Variants in UGT1A4 observed in about 807,000 individuals in gnomAD.
UGT1A4 encodes UDP-glucuronosyltransferase 1A4.
A neutral mutation model predicts 41.1 loss-of-function variants in UGT1A4; 32 were observed. The ratio of observed to expected loss-of-function variants is 0.78; its 90% CI spans 0.59 to 1.05. The LOEUF is 1.05. Ranked by LOEUF, UGT1A4 falls within the 50% of genes least tolerant of loss-of-function variation. UGT1A4 has a pLI of 0.00. For synonymous variants in UGT1A4, 283 were observed against 265.1 expected, an observed-to-expected ratio of 1.07 and a Z score of -0.66; for missense variants, 748 against 677.4, an observed-to-expected ratio of 1.10 and a Z score of -1.16.
chr2:233,744,868 A>T (rs938828765), intron 1 of UGT1A4, among the ~76,000 whole-genome samples: 1 of 151,858 alleles, frequency 6.6e-6, no homozygotes, highest in African/African-American at 2.4e-5. Flanking sequence ...TTCTGAAGGG[A>T]TTAGTTTAGG....
At chr2:233,722,845 C>CTT (rs61550889) in intron 1 of UGT1A4, among the ~76,000 whole-genome samples, 2,212 of 135,308 alleles carry the variant, frequency 0.016, 155 homozygotes, top group African/African-American at 0.055. Context: ...AAGAATGTTT[C>CTT]TTTTTTTTTT....
In UGT1A4 at chr2:233,747,979, T is replaced by C. The variant is rs1334158075; in HGVS notation, c.868-19055T>C. 3.7e-6 allele frequency: 6 copies of C among 1,613,558 alleles called. No homozygotes were observed. The East Asian group carries it at 1.3e-4, about 36-fold the overall frequency. ...CTTCTCAGCCATGCATCTGTGTGGCTGTTCCGAGGGGACTTTGTGATGGAT... is the reference window on the plus strand; with the variant it reads ...CTTCTCAGCCATGCATCTGTGTGGCCGTTCCGAGGGGACTTTGTGATGGAT... On this transcript the variant is annotated intron_variant, in intron 1 of 4. Transcript: ENST00000373409.
At position 233,725,055 on chromosome 2, in the gene UGT1A4, C is replaced by T. The variant is rs1006940909; in HGVS notation, c.867+5368C>T. On this transcript the variant is annotated intron_variant, in intron 1 of 4. Transcript: ENST00000373409. ...CACCAAAACCAGTCAGGCGTGGCGG[C>T]GCGCGCCTGCAATCGCAGGCACTCG... is the stretch of plus-strand genomic sequence containing the variant. Among the ~76,000 whole-genome samples the T allele has an allele frequency of 2.2e-4, 33 of 147,502 alleles. 1 individual carries two copies. The highest frequency in any genetic ancestry group is 9.3e-4 in the South Asian group (4 of 4,294).
At position 233,751,264 on chromosome 2, in the gene UGT1A4, CT is replaced by C. The variant is rs1248433988; in HGVS notation, c.868-15763del. Among the ~76,000 whole-genome samples the C allele has an allele frequency of 2.6e-5, 4 of 151,986 alleles. No homozygotes were observed. The East Asian group carries it at 7.7e-4, about 29-fold the overall frequency. On this transcript the variant is annotated intron_variant, in intron 1 of 4. Coordinates refer to ENST00000373409, the MANE Select transcript of UGT1A4 (RefSeq NM_007120.3). ...GGACTTGCATGGGGCCTGTAGCCCC[CT>C]TTTTTTGGCCAGTTTCTCCCATTTG...
At chr2:233,747,691 T>C in intron 1 of UGT1A4, 3 of 1,611,090 alleles carry the variant, frequency 1.9e-6, no homozygotes, top group Non-Finnish European at 2.5e-6. Flanking sequence ...TGTGGGGCAG[T>C]GCTGGCTAAG....
intron 1 of UGT1A4, chr2:233,747,817 C>T: frequency 6.2e-7 from 1 of 1,613,510 alleles, no homozygotes; most frequent in South Asian, 1.1e-5. Flanking sequence ...ACGACCAATT[C>T]AGACCACATG....
intron 1 of UGT1A4, among the ~76,000 whole-genome samples, chr2:233,734,366 T>C (rs578211263): frequency 4.6e-5 from 7 of 152,208 alleles, no homozygotes; most frequent in Non-Finnish European, 1.0e-4. Flanking sequence ...GGATCGGTGG[T>C]GATATTGCCT....
At chr2:233,736,545 G>A (rs1335002348) in intron 1 of UGT1A4, among the ~76,000 whole-genome samples, 1 of 152,160 alleles carries the variant, frequency 6.6e-6, no homozygotes, top group Non-Finnish European at 1.5e-5. Context: ...TTCCAGCTTT[G>A]CTCCATTGCT....
At chr2:233,740,090 C>T (rs1463854417) in intron 1 of UGT1A4, among the ~76,000 whole-genome samples, 1 of 151,842 alleles carries the variant, frequency 6.6e-6, no homozygotes, top group Non-Finnish European at 1.5e-5. Context: ...CGCCTGCTGC[C>T]ATGTGAGACA....
chr2:233,749,920 A>G (rs1428594546), intron 1 of UGT1A4, among the ~76,000 whole-genome samples: 1 of 151,914 alleles, frequency 6.6e-6, no homozygotes, highest in Non-Finnish European at 1.5e-5. Flanking sequence ...CTGTGAGTCA[A>G]TTAAAGCTCT....
intron 1 of UGT1A4, among the ~76,000 whole-genome samples, chr2:233,720,871 ATTTT>A (rs60621337): frequency 2.3e-5 from 3 of 132,772 alleles, no homozygotes; most frequent in African/African-American, 8.6e-5. Flanking sequence ...GCTCCTGGCA[ATTTT>A]TTTTTTTTTT....
chr2:233,744,646 T>C (rs28899468), intron 1 of UGT1A4, among the ~76,000 whole-genome samples: 5,545 of 151,990 alleles, frequency 0.036, 178 homozygotes, highest in African/African-American at 0.053. Context: ...TCAGCTTCTG[T>C]ATTCAATCTA....
In UGT1A4 at chr2:233,737,002, C is replaced by T. The variant is rs534387073; in HGVS notation, c.867+17315C>T. On this transcript the variant is annotated intron_variant, in intron 1 of 4. Transcript: ENST00000373409. ...TCAAGATACACAGAGGTCAGGGACC[C>T]GCTTGAGGAGGCAGTCTGTCCATTC... Among the ~76,000 whole-genome samples, 262 of 152,308 alleles carry T rather than the reference C, an allele frequency of 1.7e-3. 1 individual carries two copies. Among genetic ancestry groups the T allele is most frequent in the South Asian group, 4.4e-3 (21 of 4,826 alleles).
Position 233,768,272 on chromosome 2 carries a change from T to C in UGT1A4, c.1140T>C (p.Tyr380=). Residue 380 remains tyrosine, a synonymous_variant, in exon 4 of 5, where the codon TAT becomes TAC. Transcript: ENST00000373409. ...FITHAGSHGV[Y]ESICNGVPMV... ...CCCATGCTGGTTCCCATGGTGTTTATGAAAGCATATGCAATGGCGTTCCCA... is the reference window on the plus strand; with the variant it reads ...CCCATGCTGGTTCCCATGGTGTTTACGAAAGCATATGCAATGGCGTTCCCA... 1 of 1,614,214 alleles carries C rather than the reference T, an allele frequency of 6.2e-7. No homozygotes were observed. The highest frequency in any genetic ancestry group is 2.2e-5 in the East Asian group (1 of 44,870).
intron 1 of UGT1A4, chr2:233,747,764 C>A: frequency 6.2e-7 from 1 of 1,613,426 alleles, no homozygotes; most frequent in Non-Finnish European, 8.5e-7. Context: ...ACTTTAAGGG[C>A]ACACAGTGTC....
intron 1 of UGT1A4, among the ~76,000 whole-genome samples, chr2:233,732,820 C>G (rs1332712556): frequency 2.1e-5 from 3 of 141,934 alleles, no homozygotes; most frequent in Non-Finnish European, 4.5e-5. Context: ...TCCATATGAA[C>G]TTTAAAGTAG....
intron 1 of UGT1A4, chr2:233,747,143 T>C (rs1451311300): frequency 2.6e-6 from 4 of 1,563,162 alleles, no homozygotes; most frequent in African/African-American, 1.4e-5. Context: ...ACAAGGTAAT[T>C]AAGATGAAGA....
intron 1 of UGT1A4, among the ~76,000 whole-genome samples, chr2:233,728,087 A>G (rs1166849113): frequency 6.6e-6 from 1 of 152,214 alleles, no homozygotes; most frequent in Non-Finnish European, 1.5e-5. Context: ...TCTCTCCTTT[A>G]GAAAGGCACA....
At chr2:233,725,046 G>C in intron 1 of UGT1A4, among the ~76,000 whole-genome samples, 1 of 147,958 alleles carries the variant, frequency 6.8e-6, no homozygotes, top group Non-Finnish European at 1.5e-5. Flanking sequence ...AACCAGTCAG[G>C]CGTGGCGGCG....
Sources: allele counts gnomAD v4.1 joint callset (sites outside exome capture counted in the v4.1 genomes callset), GRCh38; gene constraint gnomAD v4.1.1; transcripts MANE v1.5; gene names NCBI Gene and HGNC (gene_info 2026-07-23, HGNC 2026-07-21).